Variants in STARD4 observed in about 807,000 individuals in gnomAD.
STARD4 encodes stAR-related lipid transfer protein 4.
STARD4 carries 33 observed loss-of-function variants against 24.9 expected under a neutral mutation model. The ratio of observed to expected loss-of-function variants is 1.32; its 90% CI spans 1.00 to 1.77. The LOEUF is 1.77. Among genes scored for constraint, STARD4 ranks in the 40% most tolerant of loss-of-function variants. STARD4 has a pLI of 0.00. For synonymous variants in STARD4, 88 were observed against 77.4 expected, an observed-to-expected ratio of 1.14 and a Z score of -0.72; for missense variants, 238 against 249.3, an observed-to-expected ratio of 0.95 and a Z score of 0.31.
intron 4 of STARD4, 90 bp from the exon 5 acceptor site, chr5:111,501,206 TATTTATTTAAA>T (rs1756426066): frequency 1.6e-6 from 2 of 1,274,034 alleles, no homozygotes; most frequent in African/African-American, 3.1e-5. Context: ...AAGAAACTAA[TATTTATTTAAA>T]ATGTTTCATA....
intron 3 of STARD4, among the ~76,000 whole-genome samples, chr5:111,502,789 A>C (rs761436639): frequency 1.3e-5 from 2 of 150,416 alleles, no homozygotes; most frequent in East Asian, 3.9e-4. Flanking sequence ...GTGAAATTCC[A>C]TCTCAAAAAA....
chr5:111,504,644 A>T (rs1238801050), intron 3 of STARD4, among the ~76,000 whole-genome samples: 4 of 152,188 alleles, frequency 2.6e-5, no homozygotes, highest in Admixed American at 1.3e-4. Flanking sequence ...ATCATTTTAT[A>T]ACTCAAGCCA....
Position 111,507,556 on chromosome 5 carries a change from C to G in STARD4, c.-9-114G>C. On this transcript the variant is annotated intron_variant, in intron 1 of 5. Coordinates refer to ENST00000296632, the MANE Select transcript of STARD4 (RefSeq NM_139164.3). This position sits in a 1 kb window ranked among gnomAD's most constrained non-coding sequence, Gnocchi z 4.4. ...AACCTACCAGAGCTATAAAAGATAGCTACCCTCACCCCAAATCAACTAATC... is the reference window on the plus strand; with the variant it reads ...AACCTACCAGAGCTATAAAAGATAGGTACCCTCACCCCAAATCAACTAATC... 1.5e-6 allele frequency: 1 copy of G among 658,752 alleles called. No individual in the cohort carries two copies. Among genetic ancestry groups the G allele is most frequent in the Non-Finnish European group, 2.5e-6 (1 of 403,372 alleles). 40.8% of individuals were successfully genotyped at this position (658,752 alleles called of 1,614,324 possible).
Position 111,500,077 on chromosome 5 carries a change from G to T in STARD4, c.427C>A (p.Pro143Thr). 1.9e-6 allele frequency: 3 copies of T among 1,613,238 alleles called. No homozygotes were observed. The highest frequency in any genetic ancestry group is 2.5e-6 in the Non-Finnish European group (3 of 1,179,412). ...GISLDWDEKR[P>T]EFVRGYNHPC... ...TGGTTATATCCTCGAACAAATTCTGGTCTCTTTTCATCCCAGTCAAGACTT... is the reference window on the plus strand; with the variant it reads ...TGGTTATATCCTCGAACAAATTCTGTTCTCTTTTCATCCCAGTCAAGACTT... Residue 143 changes from proline to threonine, a missense_variant, in exon 6 of 6, where the codon CCA becomes ACA. Transcript: ENST00000296632.
In STARD4 at chr5:111,499,929, C is replaced by T. The variant is rs1284504738; in HGVS notation, c.575G>A (p.Ser192Asn). The stretch of plus-strand genomic sequence containing the variant: ...ATCACCATAGAAGTTGGTTAAAGTG[C>T]TTGCCATGGCTGTATCTACCGCAGA... ...PQSAVDTAMA[S>N]TLTNFYGDLR... Residue 192 changes from serine (S) to asparagine (N), a missense_variant, in exon 6 of 6, where the codon AGC (serine) becomes AAC (asparagine). Coordinates refer to ENST00000296632, the MANE Select transcript of STARD4 (RefSeq NM_139164.3). 1 of 1,614,004 alleles carries T rather than the reference C, an allele frequency of 6.2e-7. No homozygotes were observed. The highest frequency in any genetic ancestry group is 1.3e-5 in the African/African-American group (1 of 74,912).
chr5:111,506,119 G>A (rs964135470), intron 3 of STARD4: 11 of 271,964 alleles, frequency 4.0e-5, no homozygotes, highest in South Asian at 1.1e-4. Flanking sequence ...GCTTGAACCC[G>A]GGAGGCAGAG....
At chr5:111,510,190 A>G (rs1176248665) in intron 1 of STARD4, among the ~76,000 whole-genome samples, 2 of 152,210 alleles carry the variant, frequency 1.3e-5, no homozygotes, top group East Asian at 3.8e-4. Flanking sequence ...ATAATGAAAT[A>G]ATCATTGCCA....
intron 5 of STARD4, chr5:111,500,387 T>A (rs903261265): frequency 2.0e-5 from 23 of 1,124,406 alleles, no homozygotes; most frequent in Non-Finnish European, 2.5e-5. Flanking sequence ...GGTTGTAGTA[T>A]CCAGGCCTTG....
intron 3 of STARD4, among the ~76,000 whole-genome samples, chr5:111,503,069 A>G (rs1470409334): frequency 6.6e-6 from 1 of 152,178 alleles, no homozygotes; most frequent in Non-Finnish European, 1.5e-5. Flanking sequence ...ATACTAGTAC[A>G]TGAATATTTT....
chr5:111,504,193 G>A (rs1756674542), intron 3 of STARD4, among the ~76,000 whole-genome samples: 1 of 152,116 alleles, frequency 6.6e-6, no homozygotes, highest in African/African-American at 2.4e-5. Flanking sequence ...TTACACGTGT[G>A]CACAAAGAGA....
chr5:111,502,127 A>G, intron 3 of STARD4, 39 bp from the exon 4 acceptor site: 2 of 1,598,888 alleles, frequency 1.3e-6, no homozygotes, highest in Non-Finnish European at 1.7e-6. Flanking sequence ...TGTTACAATA[A>G]AAAAATTTCA....
At chr5:111,500,429 A>T in intron 5 of STARD4, 1 of 1,077,772 alleles carries the variant, frequency 9.3e-7, no homozygotes, top group Non-Finnish European at 1.1e-6. Flanking sequence ...TGGTACCGTA[A>T]CTATTCCCCA....
Position 111,498,789 on chromosome 5 carries a change from C to T in STARD4, c.*1097G>A, listed in dbSNP as rs141120031. The T allele has an allele frequency of 6.8e-4, 103 of 152,180 alleles. No homozygotes were observed. The East Asian group carries it at 9.7e-3, about 14-fold the overall frequency. The allele number at this position is 152,180 out of a possible 1,614,324, so 9.4% of individuals were successfully genotyped here. On this transcript the variant is annotated 3_prime_UTR_variant, in exon 6 of 6. Coordinates refer to ENST00000296632, the MANE Select transcript of STARD4 (RefSeq NM_139164.3). ...TTTTGTTTTTTGAAATCTATCATCA[C>T]CAGTGGCAAAAAATAAATAAAAACA...
Position 111,507,570 on chromosome 5 carries a change from A to G in STARD4, c.-9-128T>C, listed in dbSNP as rs758671453. On this transcript the variant is annotated intron_variant, in intron 1 of 5. Coordinates refer to ENST00000296632, the MANE Select transcript of STARD4 (RefSeq NM_139164.3). The surrounding 1 kb of genome is among the most constrained non-coding windows in gnomAD (Gnocchi z 4.4). ...ATAAAAGATAGCTACCCTCACCCCA[A>G]ATCAACTAATCATAATCTCTGAGAG... The G allele has an allele frequency of 3.5e-6, 2 of 575,044 alleles. No individual in the cohort carries two copies. Among genetic ancestry groups the G allele is most frequent in the African/African-American group, 1.9e-5 (1 of 51,766 alleles). The allele number at this position is 575,044 out of a possible 1,614,324, so 35.6% of individuals were successfully genotyped here. A position where few individuals can be genotyped will look rare whatever the true frequency, so the allele number is the denominator to read the frequency against.
Position 111,498,803 on chromosome 5 carries a change from T to G in STARD4, c.*1083A>C, listed in dbSNP as rs1183572041. ...ATCTATCATCACCAGTGGCAAAAAA[T>G]AAATAAAAACAAAAGCAAAAAACAG... On this transcript the variant is annotated 3_prime_UTR_variant, in exon 6 of 6. Coordinates refer to ENST00000296632, the MANE Select transcript of STARD4 (RefSeq NM_139164.3). 6.6e-6 allele frequency: 1 copy of G among 151,988 alleles called. No homozygotes were observed. The highest frequency in any genetic ancestry group is 1.5e-5 in the Non-Finnish European group (1 of 67,960). 9.4% of individuals were successfully genotyped at this position (151,988 alleles called of 1,614,324 possible). A position where few individuals can be genotyped will look rare whatever the true frequency, so the allele number is the denominator to read the frequency against.
intron 3 of STARD4, among the ~76,000 whole-genome samples, chr5:111,502,313 A>G (rs1259487809): frequency 5.9e-5 from 9 of 152,072 alleles, no homozygotes; most frequent in Non-Finnish European, 1.2e-4. Context: ...TACTAAAATT[A>G]CAAAAATTAG....
chr5:111,506,036 C>A (rs1756826862), intron 3 of STARD4, among the ~76,000 whole-genome samples: 1 of 151,584 alleles, frequency 6.6e-6, no homozygotes, highest in African/African-American at 2.4e-5. Context: ...CTAAAAACTA[C>A]AAAAAAAGTT....
rs777613461 is a variant in STARD4, at chr5:111,507,376, G to T, written c.58C>A (p.Gln20Lys). Residue 20 changes from glutamine (Q) to lysine (K), a missense_variant, in exon 2 of 6, where the codon CAG becomes AAG. Coordinates refer to ENST00000296632, the MANE Select transcript of STARD4 (RefSeq NM_139164.3). This position sits in a 1 kb window ranked among gnomAD's most constrained non-coding sequence, Gnocchi z 4.4. ...FATKLKNTLI[Q>K]YHSIEEDKWR... The stretch of plus-strand genomic sequence containing the variant: ...TTATCTTCTTCAATGCTATGGTACT[G>T]GATGAGAGTGTTTTTAAGTTTAGTT... The T allele has an allele frequency of 1.2e-6, 2 of 1,613,662 alleles. No individual in the cohort carries two copies. The highest frequency in any genetic ancestry group is 3.3e-5 in the Admixed American group (2 of 59,988).
At position 111,506,338 on chromosome 5, in the gene STARD4, A is replaced by G. The variant is rs1756860797; in HGVS notation, c.147T>C (p.Asn49=). The change falls in exon 3 of 6, where the codon AAT becomes AAC. Residue 49 remains asparagine (N), a synonymous_variant. Coordinates refer to ENST00000296632, the MANE Select transcript of STARD4 (RefSeq NM_139164.3). ...TATAAAAAGTTACTTACAGATATCC[A>G]TTAAATTCTTCTGAGGGTTTTCTCC... ...TVWRKPSEEF[N]GYLYKAQGVI... 1 of 1,502,170 alleles carries G rather than the reference A, an allele frequency of 6.7e-7. No individual in the cohort carries two copies. The highest frequency in any genetic ancestry group is 9.1e-7 in the Non-Finnish European group (1 of 1,093,620). The allele number at this position is 1,502,170 out of a possible 1,614,324, so 93.1% of individuals were successfully genotyped here. A position where few individuals can be genotyped will look rare whatever the true frequency, so the allele number is the denominator to read the frequency against.
Sources: gnomAD v4.1 joint callset for allele counts (sites outside exome capture counted in the v4.1 genomes callset) on GRCh38, gnomAD v4.1.1 for gene constraint, Gnocchi (gnomAD v3.1) non-coding constraint, MANE v1.5 for transcripts, NCBI Gene and HGNC (gene_info 2026-07-23, HGNC 2026-07-21) for gene names.